TENM3: variants seen among roughly 807,000 people sequenced by gnomAD.
TENM3 encodes teneurin transmembrane protein 3, also known as teneurin-3.
Under a neutral mutation model 255.1 loss-of-function variants are expected in TENM3, and 63 were observed. The ratio of observed to expected loss-of-function variants is 0.25; its 90% CI spans 0.20 to 0.30. The LOEUF (loss-of-function observed/expected upper bound fraction) is 0.30, where lower values mean the gene tolerates loss of function less well. Ranked by LOEUF, TENM3 falls within the 10% of genes least tolerant of loss-of-function variation. The pLI, the probability that TENM3 is intolerant of heterozygous loss-of-function variation, is 1.00. For missense variants in TENM3, 2,929 were observed against 3,461.1 expected, an observed-to-expected ratio of 0.85 and a Z score of 3.86; for synonymous variants, 1,306 against 1,322.3, an observed-to-expected ratio of 0.99 and a Z score of 0.27.
chr4:182,174,913 A>G (rs944904748), intron 1 of TENM3, among the ~76,000 whole-genome samples: 3 of 150,800 alleles, frequency 2.0e-5, no homozygotes, highest in Non-Finnish European at 4.4e-5. Flanking sequence ...GAAAAGTTTT[A>G]TTACAAGTAT....
upstream of TENM3, among the ~76,000 whole-genome samples, chr4:182,140,150 T>C (rs947814946): frequency 3.9e-5 from 6 of 152,202 alleles, no homozygotes; most frequent in African/African-American, 1.2e-4. Context: ...GAGACTTCCA[T>C]GTAAAATTTA....
At chr4:181,790,669 AGCC>A in the TENM3 span, among the ~76,000 whole-genome samples, 1 of 152,228 alleles carries the variant, frequency 6.6e-6, no homozygotes, top group Non-Finnish European at 1.5e-5. Context: ...CAGAAGAATA[AGCC>A]TTTCTTAGTT....
intron 3 of TENM3, among the ~76,000 whole-genome samples, chr4:182,383,096 C>T (rs138158134): frequency 1.8e-4 from 27 of 152,192 alleles, no homozygotes; most frequent in Admixed American, 9.8e-4. Flanking sequence ...AATTATGGAA[C>T]GAGTGGGGAT....
the TENM3 span, among the ~76,000 whole-genome samples, chr4:181,985,248 C>T: frequency 6.6e-6 from 1 of 151,734 alleles, no homozygotes. Context: ...TTCCATGTCC[C>T]CAGAACATCA....
At chr4:181,482,731 C>T in the TENM3 span, among the ~76,000 whole-genome samples, 1 of 152,182 alleles carries the variant, frequency 6.6e-6, no homozygotes, top group East Asian at 1.9e-4. Flanking sequence ...CTAGAAGGTC[C>T]ACTGCATATG....
chr4:182,379,376 G>C (rs1030010597), intron 3 of TENM3, among the ~76,000 whole-genome samples: 3 of 152,064 alleles, frequency 2.0e-5, no homozygotes, highest in African/African-American at 4.8e-5. Context: ...AAAGGGTATT[G>C]CAAGAAACAG....
chr4:181,921,375 G>A, the TENM3 span, among the ~76,000 whole-genome samples: 1 of 152,198 alleles, frequency 6.6e-6, no homozygotes, highest in Admixed American at 6.5e-5. Context: ...AGCATGGAAT[G>A]TCCTTCCATT....
intron 3 of TENM3, among the ~76,000 whole-genome samples, chr4:182,582,457 C>T (rs1022684293): frequency 6.6e-5 from 10 of 152,050 alleles, no homozygotes; most frequent in Admixed American, 3.9e-4. Flanking sequence ...AAGCCTATTG[C>T]GTAATCAGCT....
the TENM3 span, among the ~76,000 whole-genome samples, chr4:181,756,488 T>G: frequency 2.0e-5 from 3 of 152,144 alleles, no homozygotes; most frequent in East Asian, 5.8e-4. Context: ...AAGGGTAAAA[T>G]TGAATGCTAT....
intron 24 of TENM3, among the ~76,000 whole-genome samples, chr4:182,778,008 CTG>C (rs1474843653): frequency 1.3e-5 from 2 of 151,982 alleles, no homozygotes; most frequent in South Asian, 2.1e-4. Flanking sequence ...GCACAGGAAA[CTG>C]TGATAGAGAT....
intron 4 of TENM3, among the ~76,000 whole-genome samples, chr4:182,607,136 G>A (rs1018892958): frequency 3.3e-5 from 5 of 152,306 alleles, no homozygotes; most frequent in Admixed American, 6.5e-5. Context: ...TAGGTGTTCC[G>A]TAAATGTTTT....
the TENM3 span, among the ~76,000 whole-genome samples, chr4:181,561,039 G>A: frequency 0.021 from 3,138 of 152,130 alleles, 112 homozygotes; most frequent in East Asian, 0.17. Flanking sequence ...TGCAACCCTC[G>A]CCTCCTGGGT....
the TENM3 span, among the ~76,000 whole-genome samples, chr4:181,981,363 AG>A: frequency 2.0e-5 from 3 of 152,126 alleles, no homozygotes; most frequent in African/African-American, 7.2e-5. Flanking sequence ...GGTTCAGAGG[AG>A]GGACTTGAAG....
intron 1 of TENM3, among the ~76,000 whole-genome samples, chr4:182,314,068 T>C (rs768012434): frequency 5.3e-5 from 8 of 151,906 alleles, no homozygotes; most frequent in Non-Finnish European, 8.8e-5. Flanking sequence ...ATCCCAGCAG[T>C]TGGGGAGTCC....
chr4:182,473,469 C>A (rs577184064), intron 3 of TENM3, among the ~76,000 whole-genome samples: 1 of 152,204 alleles, frequency 6.6e-6, no homozygotes, highest in Non-Finnish European at 1.5e-5. Flanking sequence ...GTCAGGAGAT[C>A]GAGACCATGC....
chr4:181,603,354 G>A, the TENM3 span, among the ~76,000 whole-genome samples: 2 of 152,202 alleles, frequency 1.3e-5, no homozygotes, highest in South Asian at 2.1e-4. Context: ...GGGTATAAAG[G>A]AGAACTATCA....
chr4:181,840,241 T>G, the TENM3 span, among the ~76,000 whole-genome samples: 1 of 152,134 alleles, frequency 6.6e-6, no homozygotes, highest in Non-Finnish European at 1.5e-5. Context: ...GTTCTTCCCT[T>G]GATTTTTTCT....
intron 1 of TENM3, among the ~76,000 whole-genome samples, chr4:182,293,942 G>A (rs1313985487): frequency 2.0e-5 from 3 of 152,212 alleles, no homozygotes; most frequent in East Asian, 1.9e-4. Flanking sequence ...CAAATGCCTC[G>A]ACAATGACAA....
chr4:181,843,682 T>C, the TENM3 span, among the ~76,000 whole-genome samples: 1 of 151,918 alleles, frequency 6.6e-6, no homozygotes, highest in South Asian at 2.1e-4. Context: ...GCTTGGAAAT[T>C]TGAGAGTGAG....
Sources: allele counts gnomAD v4.1 joint callset (sites outside exome capture counted in the v4.1 genomes callset), GRCh38; gene constraint gnomAD v4.1.1; transcripts MANE v1.5; gene names NCBI Gene and HGNC (gene_info 2026-07-23, HGNC 2026-07-21).